Variants in PRICKLE2 observed in about 807,000 individuals in gnomAD.
The protein encoded by PRICKLE2 is prickle-like protein 2.
Under a neutral mutation model 81.4 loss-of-function variants are expected in PRICKLE2, and 21 were observed. The observed-to-expected ratio is 0.26, with a 90% confidence interval of 0.18 to 0.37. The LOEUF (loss-of-function observed/expected upper bound fraction) is 0.37. PRICKLE2 is among the 10% of genes least tolerant of loss of function. PRICKLE2 has a pLI of 1.00. For synonymous variants in PRICKLE2, 456 were observed against 421.5 expected (o/e 1.08, Z -1.00); for missense variants, 940 against 1,109.0 (o/e 0.85, Z 2.16).
chr3:64,195,423 G>A (rs1295694013), intron 2 of PRICKLE2, among the ~76,000 whole-genome samples: 1 of 152,118 alleles, frequency 6.6e-6, no homozygotes, highest in East Asian at 1.9e-4. Context: ...TCACCTGAAG[G>A]TATATTACCA....
upstream of PRICKLE2, among the ~76,000 whole-genome samples, chr3:64,228,308 A>G (rs577879240): frequency 1.3e-5 from 2 of 152,302 alleles, no homozygotes; most frequent in East Asian, 3.9e-4. Context: ...GTGTTATGGC[A>G]GGAGGCATGC....
At chr3:64,125,808 A>G (rs2077097043) in intron 7 of PRICKLE2, among the ~76,000 whole-genome samples, 2 of 152,228 alleles carry the variant, frequency 1.3e-5, no homozygotes, top group Non-Finnish European at 1.5e-5. Flanking sequence ...TGAACATGAA[A>G]TATCTCTGAG....
intron 2 of PRICKLE2, among the ~76,000 whole-genome samples, chr3:64,243,040 G>C (rs1023798791): frequency 1.3e-5 from 2 of 152,202 alleles, no homozygotes; most frequent in Non-Finnish European, 2.9e-5. Context: ...GCAGGGATTT[G>C]GACTTAGGTC....
intron 2 of PRICKLE2, among the ~76,000 whole-genome samples, chr3:64,235,533 C>G (rs746285619): frequency 3.5e-4 from 53 of 152,234 alleles, no homozygotes; most frequent in Non-Finnish European, 6.3e-4. Context: ...CACCCTGCCC[C>G]CCTTCTGGAG....
chr3:64,237,207 T>C (rs1398509688), intron 2 of PRICKLE2, among the ~76,000 whole-genome samples: 1 of 152,208 alleles, frequency 6.6e-6, no homozygotes, highest in Non-Finnish European at 1.5e-5. Flanking sequence ...CTTTTAGTTT[T>C]GGCATCTGTG....
intron 7 of PRICKLE2, among the ~76,000 whole-genome samples, chr3:64,118,936 C>A (rs1096167): frequency 0.52 from 79,609 of 151,880 alleles, 21,252 homozygotes; most frequent in South Asian, 0.62. Flanking sequence ...GTCTATTGAG[C>A]ACTATTCACA....
In PRICKLE2 at chr3:64,147,546, T is replaced by A. The variant is rs2077477506; in HGVS notation, c.944A>T (p.Asp315Val). ...ATCAGAGGAGTCAGAACCATTGGGG[T>A]CTTCCCCAGCACTGCAGGCCCGTGA... Reference protein sequence around the residue: ...FCSRACSAGEDPNGSDSSDSA... With the variant: ...FCSRACSAGEVPNGSDSSDSA... Residue 315 changes from aspartate to valine, a missense_variant, in exon 7 of 8, where the codon GAC (aspartate) becomes GTC (valine). Physicochemically the swap from Asp to Val is radical, Grantham distance 152. Around this residue, in one of 2 missense-constraint regions of PRICKLE2, gnomAD observed 670 missense variants for 717.2 expected, o/e 0.93. Coordinates refer to ENST00000638394, the MANE Select transcript of PRICKLE2 (RefSeq NM_198859.4). The surrounding 1 kb of genome is among the most constrained non-coding windows in gnomAD (Gnocchi z 5.0). 1 of 1,614,172 alleles carries A rather than the reference T, an allele frequency of 6.2e-7. No individual in the cohort carries two copies. The highest frequency in any genetic ancestry group is 8.5e-7 in the Non-Finnish European group (1 of 1,180,044).
chr3:64,213,593 T>C (rs2078826954), intron 1 of PRICKLE2, among the ~76,000 whole-genome samples: 1 of 152,194 alleles, frequency 6.6e-6, no homozygotes, highest in South Asian at 2.1e-4. Context: ...CTGTGGTTAC[T>C]ACTGAATGCT....
chr3:64,224,422 C>A (rs1276748210), intron 1 of PRICKLE2, among the ~76,000 whole-genome samples: 1 of 152,180 alleles, frequency 6.6e-6, no homozygotes, highest in South Asian at 2.1e-4. Flanking sequence ...GAAGCTCTGT[C>A]ACCATTTCTA....
At chr3:64,208,800 G>T (rs1272106346) in intron 1 of PRICKLE2, among the ~76,000 whole-genome samples, 2 of 152,198 alleles carry the variant, frequency 1.3e-5, no homozygotes, top group Non-Finnish European at 2.9e-5. Context: ...TGACTTGACT[G>T]AAGTTAAGGA....
chr3:64,193,099 C>T (rs1229702752), intron 2 of PRICKLE2, among the ~76,000 whole-genome samples: 2 of 152,184 alleles, frequency 1.3e-5, no homozygotes, highest in Non-Finnish European at 2.9e-5. Flanking sequence ...ATGACCACTA[C>T]ACCTCCAGAA....
chr3:64,188,518 A>G (rs564840257), intron 2 of PRICKLE2, among the ~76,000 whole-genome samples: 1 of 152,346 alleles, frequency 6.6e-6, no homozygotes, highest in South Asian at 2.1e-4. Context: ...ACAAGTTCCC[A>G]GGTGATACTA....
intron 7 of PRICKLE2, among the ~76,000 whole-genome samples, chr3:64,115,829 G>A (rs563419150): frequency 6.6e-6 from 1 of 152,010 alleles, no homozygotes; most frequent in Non-Finnish European, 1.5e-5. Context: ...CCTGAACTCC[G>A]CTCTGGATCA....
At chr3:64,124,009 A>G (rs962333520) in intron 7 of PRICKLE2, among the ~76,000 whole-genome samples, 3 of 152,220 alleles carry the variant, frequency 2.0e-5, no homozygotes, top group Non-Finnish European at 4.4e-5. Flanking sequence ...AGACAGGCCA[A>G]AAGCTAGGCC....
At chr3:64,134,309 G>A (rs2077243825) in intron 7 of PRICKLE2, among the ~76,000 whole-genome samples, 1 of 152,198 alleles carries the variant, frequency 6.6e-6, no homozygotes, top group Admixed American at 6.5e-5. Flanking sequence ...TCTCTCAGCT[G>A]CAGACGGGGC....
At chr3:64,194,910 G>T (rs184590795) in intron 2 of PRICKLE2, among the ~76,000 whole-genome samples, 73 of 152,222 alleles carry the variant, frequency 4.8e-4, no homozygotes, top group Non-Finnish European at 9.1e-4. Flanking sequence ...GGGTGTGGCA[G>T]CATGTGCCTG....
chr3:64,254,717 C>T (rs2079499685), intron 2 of PRICKLE2, among the ~76,000 whole-genome samples: 1 of 152,212 alleles, frequency 6.6e-6, no homozygotes, highest in Non-Finnish European at 1.5e-5. Context: ...CAAAATTAAT[C>T]ATTCCTTCTG....
intron 2 of PRICKLE2, among the ~76,000 whole-genome samples, chr3:64,194,751 T>C (rs1375475722): frequency 6.6e-6 from 1 of 152,196 alleles, no homozygotes; most frequent in Non-Finnish European, 1.5e-5. Context: ...TGAAATGAAA[T>C]TGAAGCCTTA....
intron 2 of PRICKLE2, among the ~76,000 whole-genome samples, chr3:64,233,870 T>C (rs1052153275): frequency 2.0e-5 from 3 of 152,160 alleles, no homozygotes; most frequent in Non-Finnish European, 4.4e-5. Flanking sequence ...CAAACACTAA[T>C]CTACTTTCTG....
Sources: allele counts gnomAD v4.1 joint callset (sites outside exome capture counted in the v4.1 genomes callset), GRCh38; gene constraint gnomAD v4.1.1; regional missense constraint gnomAD v4.1.1; non-coding constraint Gnocchi (gnomAD v3.1); transcripts MANE v1.5; gene names NCBI Gene and HGNC (gene_info 2026-07-23, HGNC 2026-07-21).